Variants in MCTP2 observed in about 807,000 individuals in gnomAD.
MCTP2 encodes the protein multiple C2 and transmembrane domain containing 2, also known as multiple C2 and transmembrane domain-containing protein 2.
Under a neutral mutation model 111.6 loss-of-function variants are expected in MCTP2, and 132 were observed. That is an observed-to-expected ratio of 1.18 (90% confidence interval 1.03 to 1.37). The LOEUF is 1.37. MCTP2 is among the 40% of genes most tolerant of loss of function. MCTP2 has a pLI of 0.00. For missense variants in MCTP2, 1,183 were observed against 1,067.9 expected (o/e 1.11, Z -1.50); for synonymous variants, 395 against 387.7 (o/e 1.02, Z -0.22).
chr15:94,384,976 A>C (rs1388190616), intron 13 of MCTP2, among the ~76,000 whole-genome samples: 1 of 152,200 alleles, frequency 6.6e-6, no homozygotes, highest in Non-Finnish European at 1.5e-5. Flanking sequence ...GTGTTTCAAC[A>C]ACAGAGGGTT....
intron 2 of MCTP2, among the ~76,000 whole-genome samples, chr15:94,303,326 G>A (rs963436501): frequency 4.6e-5 from 7 of 151,690 alleles, no homozygotes; most frequent in Non-Finnish European, 1.0e-4. Flanking sequence ...ATCCAGCATG[G>A]GAGAAAGGTG....
Position 94,402,879 on chromosome 15 carries a change from T to G in MCTP2, c.2085+860T>G, listed in dbSNP as rs190708733. ...CTAAGAGTGTGAATATCAGTCATGA[T>G]CATTGGTGAATCTGATTTCTGAATG... On this transcript the variant is annotated intron_variant, in intron 17 of 22. Coordinates refer to ENST00000357742, the MANE Select transcript of MCTP2 (RefSeq NM_001385001.1). 1.5e-4 allele frequency: 171 copies of G among 1,131,168 alleles called. No homozygotes were observed. In the African/African-American group the frequency reaches 2.6e-3, roughly 17 times the overall value. The allele number at this position is 1,131,168 out of a possible 1,614,324, so 70.1% of individuals were successfully genotyped here. A position where few individuals can be genotyped will look rare whatever the true frequency, so the allele number is the denominator to read the frequency against.
rs567906901 is a variant in MCTP2 at position 94,313,818 on chromosome 15, T to C, written c.466-464T>C. Among the ~76,000 whole-genome samples, 48 of 152,322 alleles carry C rather than the reference T, an allele frequency of 3.2e-4. No homozygotes were observed. In the South Asian group the frequency reaches 4.6e-3, roughly 14 times the overall value. The stretch of plus-strand genomic sequence containing the variant: ...GGCGATTGACCAGTTGCTAGCCCCA[T>C]GAAGGTATGGCTTGAGGAATGTCTC... On this transcript the variant is annotated intron_variant, in intron 2 of 22. Transcript: ENST00000357742.
intron 1 of MCTP2, among the ~76,000 whole-genome samples, chr15:94,276,906 G>A (rs2074245109): frequency 7.0e-6 from 1 of 141,978 alleles, no homozygotes; most frequent in South Asian, 2.2e-4. Flanking sequence ...TTACGAGGAT[G>A]GTTAATATCA....
intron 17 of MCTP2, chr15:94,402,521 T>C (rs868641413): frequency 1.3e-6 from 2 of 1,551,860 alleles, no homozygotes; most frequent in Non-Finnish European, 1.7e-6. Context: ...CTATGAAATG[T>C]ACCCTTTTCT....
intron 19 of MCTP2, among the ~76,000 whole-genome samples, 187 bp downstream of exon 19, chr15:94,443,147 T>C (rs1245366809): frequency 6.6e-6 from 1 of 151,570 alleles, no homozygotes; most frequent in Non-Finnish European, 1.5e-5. Flanking sequence ...AAAATGAGGT[T>C]GAGAAGGGTA....
intron 4 of MCTP2, among the ~76,000 whole-genome samples, chr15:94,338,342 C>T (rs372121621): frequency 1.6e-4 from 25 of 152,162 alleles, no homozygotes; most frequent in African/African-American, 5.3e-4. Context: ...TCGTTTATCT[C>T]CTCATTGATT....
intron 1 of MCTP2, among the ~76,000 whole-genome samples, chr15:94,235,678 C>T (rs765030384): frequency 9.2e-5 from 14 of 152,046 alleles, no homozygotes; most frequent in Middle Eastern, 6.8e-3. Flanking sequence ...CCCTGGGTAA[C>T]GCAGGGCTAT....
intron 21 of MCTP2, among the ~76,000 whole-genome samples, chr15:94,473,808 G>A (rs1264336027): frequency 6.6e-6 from 1 of 152,184 alleles, no homozygotes; most frequent in East Asian, 1.9e-4. Context: ...ACCCCAACCA[G>A]TGTATTACAG....
intron 1 of MCTP2, among the ~76,000 whole-genome samples, chr15:94,297,268 T>C (rs143656412): frequency 6.6e-6 from 1 of 152,316 alleles, no homozygotes; most frequent in East Asian, 1.9e-4. Context: ...ATCACCACTT[T>C]CCTCCACAGC....
intron 19 of MCTP2, among the ~76,000 whole-genome samples, chr15:94,447,350 G>A (rs1346443910): frequency 1.3e-5 from 2 of 152,126 alleles, no homozygotes; most frequent in Non-Finnish European, 2.9e-5. Context: ...CTAACAATGA[G>A]AGTAGTTTTG....
Position 94,245,109 on chromosome 15 carries a change from T to C in MCTP2, c.-66+13445T>C, listed in dbSNP as rs534628280. ...ACACATACATATGTACCTATGTTTA[T>C]ATATGTATATGTATACACATGTGTA... On this transcript the variant is annotated intron_variant, in intron 1 of 22. Transcript: ENST00000357742. 3.3e-5 allele frequency among the ~76,000 whole-genome samples: 5 copies of C among 149,574 alleles called. No individual in the cohort carries two copies. The East Asian group carries it at 1.0e-3, about 30-fold the overall frequency.
intron 12 of MCTP2, among the ~76,000 whole-genome samples, chr15:94,377,338 G>A (rs2079833214): frequency 6.6e-6 from 1 of 152,166 alleles, no homozygotes; most frequent in South Asian, 2.1e-4. Flanking sequence ...GATCTTCATG[G>A]ATAGCTAAGC....
intron 12 of MCTP2, among the ~76,000 whole-genome samples, chr15:94,383,630 T>G (rs2080281431): frequency 6.6e-6 from 1 of 152,194 alleles, no homozygotes; most frequent in Non-Finnish European, 1.5e-5. Flanking sequence ...AAAAACCACT[T>G]ATAAAACCAT....
At chr15:94,278,100 A>G (rs1466186036) in intron 1 of MCTP2, 1 of 152,134 alleles carries the variant, frequency 6.6e-6, no homozygotes, top group Non-Finnish European at 1.5e-5. Flanking sequence ...CCTAATATTA[A>G]TTTGTAAATT....
chr15:94,391,982 C>A (rs1017542697), intron 14 of MCTP2, among the ~76,000 whole-genome samples: 1 of 152,118 alleles, frequency 6.6e-6, no homozygotes, highest in Non-Finnish European at 1.5e-5. Flanking sequence ...AATACACAAA[C>A]GGATGAACAA....
rs542932076 is a variant in MCTP2, at chr15:94,376,085, A to T, written c.1582+5905A>T. On this transcript the variant is annotated intron_variant, in intron 12 of 22. Transcript: ENST00000357742. ...TGCCTTCACTCCTCTACTGCAGGAC[A>T]TGAGGTGTAGGAGGTGGTGTGTACC... Among the ~76,000 whole-genome samples, 19 of 152,264 alleles carry T rather than the reference A, an allele frequency of 1.2e-4. No homozygotes were observed. In the South Asian group the frequency reaches 3.7e-3, roughly 30 times the overall value.
At chr15:94,426,386 C>T (rs2082893148) in intron 17 of MCTP2, among the ~76,000 whole-genome samples, 1 of 152,038 alleles carries the variant, frequency 6.6e-6, no homozygotes, top group African/African-American at 2.4e-5. Context: ...TCTAGTTTTA[C>T]CATATCTATC....
chr15:94,239,337 G>C (rs934814813), intron 1 of MCTP2, among the ~76,000 whole-genome samples: 2 of 152,194 alleles, frequency 1.3e-5, no homozygotes, highest in African/African-American at 4.8e-5. Flanking sequence ...TCCACCTCCA[G>C]TTGCCCCTTC....
Sources: allele counts gnomAD v4.1 joint callset (sites outside exome capture counted in the v4.1 genomes callset), GRCh38; gene constraint gnomAD v4.1.1; transcripts MANE v1.5; gene names NCBI Gene and HGNC (gene_info 2026-07-23, HGNC 2026-07-21).